SPRED2: variants seen among roughly 807,000 people sequenced by gnomAD.
The protein encoded by SPRED2 is sprouty related EVH1 domain containing 2, also known as sprouty-related, EVH1 domain-containing protein 2.
Under a neutral mutation model 43.0 loss-of-function variants are expected in SPRED2, and 47 were observed. The observed-to-expected ratio is 1.09, with a 90% CI of 0.87 to 1.40. The LOEUF (loss-of-function observed/expected upper bound fraction) is 1.40, where lower values mean the gene tolerates loss of function less well. SPRED2 is among the 40% of genes most tolerant of loss of function. SPRED2 has a pLI of 0.00. For synonymous variants in SPRED2, 225 were observed against 225.7 expected, an observed-to-expected ratio of 1.00 and a Z score of 0.03; for missense variants, 561 against 586.4, an observed-to-expected ratio of 0.96 and a Z score of 0.45.
intron 1 of SPRED2, among the ~76,000 whole-genome samples, chr2:65,382,743 T>C (rs1055280988): frequency 1.4e-4 from 22 of 152,262 alleles, no homozygotes; most frequent in African/African-American, 5.3e-4. Context: ...TTCTTTTTTT[T>C]CTTTTTGTAA....
At chr2:65,344,452 A>G (rs913344173) in intron 2 of SPRED2, 4 of 568,780 alleles carry the variant, frequency 7.0e-6, no homozygotes, top group Non-Finnish European at 1.3e-5. Flanking sequence ...ACAATGATAG[A>G]CATCTTAATC....
intron 2 of SPRED2, among the ~76,000 whole-genome samples, chr2:65,342,043 C>T (rs915557696): frequency 4.0e-5 from 6 of 151,418 alleles, no homozygotes; most frequent in Non-Finnish European, 8.8e-5. Flanking sequence ...AAATAAGGCC[C>T]TGATAAGTAA....
chr2:65,381,511 G>A (rs952945189), intron 1 of SPRED2, among the ~76,000 whole-genome samples: 4 of 152,160 alleles, frequency 2.6e-5, no homozygotes, highest in Admixed American at 2.0e-4. Context: ...GGGCATCTTG[G>A]GGTTTGTTAT....
intron 2 of SPRED2, among the ~76,000 whole-genome samples, chr2:65,338,615 G>T (rs1192936470): frequency 1.3e-5 from 2 of 151,032 alleles, no homozygotes; most frequent in Non-Finnish European, 3.0e-5. Context: ...TGGTGCCCAG[G>T]CTGGAGTGCA....
chr2:65,403,547 G>A (rs1322898025), intron 1 of SPRED2, among the ~76,000 whole-genome samples: 7 of 152,172 alleles, frequency 4.6e-5, no homozygotes, highest in African/African-American at 1.7e-4. Flanking sequence ...GATTACATGC[G>A]TGAGCCACTA....
chr2:65,363,012 T>TG (rs1252691733), intron 1 of SPRED2, among the ~76,000 whole-genome samples: 25 of 140,796 alleles, frequency 1.8e-4, no homozygotes, highest in African/African-American at 4.7e-4. Context: ...TTTGTTTTTT[T>TG]TTTTTTTTTT....
Position 65,313,472 on chromosome 2 carries a change from G to A in SPRED2, c.*29C>T, listed in dbSNP as rs754108671. 45 of 1,571,752 alleles carry A rather than the reference G, an allele frequency of 2.9e-5. No homozygotes were observed. The highest frequency in any genetic ancestry group is 9.0e-5 in the Admixed American group (5 of 55,734). On this transcript the variant is annotated 3_prime_UTR_variant, in exon 6 of 6. Coordinates refer to ENST00000356388, the MANE Select transcript of SPRED2 (RefSeq NM_181784.3). ...AAGAGACGAGTTCCCCTGTGGCTGCGGATGGAGGGAGAAGGGAGGGAAACT... is the reference window on the plus strand; with the variant it reads ...AAGAGACGAGTTCCCCTGTGGCTGCAGATGGAGGGAGAAGGGAGGGAAACT...
chr2:65,391,019 C>A (rs1393726255), intron 1 of SPRED2, among the ~76,000 whole-genome samples: 2 of 149,026 alleles, frequency 1.3e-5, no homozygotes, highest in Non-Finnish European at 3.0e-5. Context: ...GCCTGGGAGG[C>A]AGAGGCTGCA....
intron 1 of SPRED2, among the ~76,000 whole-genome samples, chr2:65,412,611 C>G (rs906905442): frequency 1.3e-5 from 2 of 152,174 alleles, no homozygotes; most frequent in African/African-American, 4.8e-5. Context: ...TAGACTGGAT[C>G]TCTGACATTA....
At chr2:65,369,782 G>T (rs116466295) in intron 1 of SPRED2, among the ~76,000 whole-genome samples, 1 of 152,232 alleles carries the variant, frequency 6.6e-6, no homozygotes, top group African/African-American at 2.4e-5. Context: ...GCTGGGCCTG[G>T]GTGAGGCCAT....
In SPRED2 at chr2:65,432,494, C is replaced by G. The variant is rs923249599; in HGVS notation, c.-507G>C. On this transcript the variant is annotated 5_prime_UTR_variant, in exon 1 of 6. Coordinates refer to ENST00000356388, the MANE Select transcript of SPRED2 (RefSeq NM_181784.3). The stretch of plus-strand genomic sequence containing the variant: ...GGCGCCCCGTCCGAGCCCCATCTCT[C>G]GACTCCACCGATTTACTCCATATTG... The G allele has an allele frequency of 6.4e-6, 1 of 155,764 alleles. No homozygotes were observed. The highest frequency in any genetic ancestry group is 2.4e-5 in the African/African-American group (1 of 41,424). The allele number at this position is 155,764 out of a possible 1,614,324, so 9.6% of individuals were successfully genotyped here.
intron 1 of SPRED2, among the ~76,000 whole-genome samples, chr2:65,352,555 G>A (rs1293079042): frequency 6.6e-6 from 1 of 152,238 alleles, no homozygotes; most frequent in East Asian, 1.9e-4. Context: ...CTTTTCTGAG[G>A]TGCTGTAGCT....
chr2:65,320,505 A>C (rs1194860183), intron 4 of SPRED2, among the ~76,000 whole-genome samples: 1 of 152,132 alleles, frequency 6.6e-6, no homozygotes, highest in Non-Finnish European at 1.5e-5. Context: ...TTGTCAGAGG[A>C]TGTGAGACTG....
At chr2:65,354,305 T>C (rs1278849092) in intron 1 of SPRED2, among the ~76,000 whole-genome samples, 1 of 152,192 alleles carries the variant, frequency 6.6e-6, no homozygotes, top group Non-Finnish European at 1.5e-5. Context: ...GGACTGTAAA[T>C]AGAAGGTGGT....
chr2:65,349,666 T>C (rs920714716), intron 1 of SPRED2, among the ~76,000 whole-genome samples: 4 of 152,268 alleles, frequency 2.6e-5, no homozygotes, highest in African/African-American at 7.2e-5. Flanking sequence ...GCATTACTTA[T>C]GTTAGTGCCA....
At chr2:65,309,637 T>C (rs1673018334), downstream of SPRED2, among the ~76,000 whole-genome samples, 1 of 151,922 alleles carries the variant, frequency 6.6e-6, no homozygotes, top group South Asian at 2.1e-4. Flanking sequence ...CAATCCCCCA[T>C]GGATACTGAG....
At position 65,431,964 on chromosome 2, in the gene SPRED2, G is replaced by T. The variant is rs368616637; in HGVS notation, c.24C>A (p.Asp8Glu). MTEETHP[D>E]DDSYIVRVKA... is the part of the protein sequence containing the mutation. Reference sequence around the variant, plus strand: ...TCCCACCCCGCGACCAAACTTACTCGTCTGGGTGTGTTTCTTCGGTCATTT... The same window carrying T: ...TCCCACCCCGCGACCAAACTTACTCTTCTGGGTGTGTTTCTTCGGTCATTT... Residue 8 changes from aspartate to glutamate, a missense_variant and splice_region_variant, in exon 1 of 6, where the codon GAC (aspartate) becomes GAA (glutamate). This residue lies in a region of SPRED2 where 305 missense variants were observed against 282.4 expected (regional missense o/e 1.08). Coordinates refer to ENST00000356388, the MANE Select transcript of SPRED2 (RefSeq NM_181784.3). 21 of 1,613,740 alleles carry T rather than the reference G, an allele frequency of 1.3e-5. No homozygotes were observed. In the African/African-American group the frequency reaches 2.1e-4, roughly 16 times the overall value.
At chr2:65,310,803 T>G (rs58799744), downstream of SPRED2, 2,378 of 923,302 alleles carry the variant, frequency 2.6e-3, 53 homozygotes, top group African/African-American at 0.04. Flanking sequence ...CTGCCAACGC[T>G]CTAGCATCAC....
In SPRED2 at chr2:65,344,868, CA is replaced by C. The variant is rs781253742; in HGVS notation, c.54del (p.Val19TrpfsTer3). ...DDDSYIVRVK[A>X]VVMTRDDSSG... Reference sequence around the variant, plus strand: ...CTGGAGTCATCTCTGGTCATAACCACAGCCTTGACACGCACAATATAGCTGT... The same window carrying C: ...CTGGAGTCATCTCTGGTCATAACCACGCCTTGACACGCACAATATAGCTGT... On this transcript the variant is annotated frameshift_variant, in exon 2 of 6. Coordinates refer to ENST00000356388, the MANE Select transcript of SPRED2 (RefSeq NM_181784.3). LOFTEE classifies it high-confidence loss of function. The C allele has an allele frequency of 6.2e-7, 1 of 1,614,164 alleles. No individual in the cohort carries two copies. The highest frequency in any genetic ancestry group is 1.1e-5 in the South Asian group (1 of 91,090).
Sources: allele counts gnomAD v4.1 joint callset (sites outside exome capture counted in the v4.1 genomes callset), GRCh38; gene constraint gnomAD v4.1.1; regional missense constraint gnomAD v4.1.1; transcripts MANE v1.5; gene names NCBI Gene and HGNC (gene_info 2026-07-23, HGNC 2026-07-21).